GRM5: variants seen among roughly 807,000 people sequenced by gnomAD.
GRM5 encodes glutamate metabotropic receptor 5.
A neutral mutation model predicts 83.1 loss-of-function variants in GRM5; 19 were observed. The ratio of observed to expected loss-of-function variants is 0.23; its 90% CI spans 0.16 to 0.34. The LOEUF (loss-of-function observed/expected upper bound fraction) is 0.34, where lower values mean the gene tolerates loss of function less well. GRM5 is among the 10% of genes least tolerant of loss of function. The probability of loss-of-function intolerance (pLI) is 1.00; values close to 1 mark genes in which losing one functional copy is unlikely to be tolerated. For synonymous variants in GRM5, 675 were observed against 633.6 expected (o/e 1.07, Z -0.98); for missense variants, 1,160 against 1,588.3 (o/e 0.73, Z 4.58).
intron 3 of GRM5, among the ~76,000 whole-genome samples, chr11:88,776,337 G>T (rs541400250): frequency 2.0e-5 from 3 of 152,128 alleles, no homozygotes; most frequent in South Asian, 4.1e-4. Context: ...GTGTGTCTTT[G>T]CATGTGAGAT....
chr11:88,659,966 A>G (rs1385564012), intron 3 of GRM5, among the ~76,000 whole-genome samples: 1 of 152,220 alleles, frequency 6.6e-6, no homozygotes, highest in East Asian at 1.9e-4. Flanking sequence ...AGCCCTGAAA[A>G]TTGCATTGAG....
intron 3 of GRM5, among the ~76,000 whole-genome samples, chr11:88,820,856 A>G (rs554419616): frequency 3.3e-5 from 5 of 152,344 alleles, no homozygotes; most frequent in African/African-American, 9.6e-5. Flanking sequence ...TGAGCACTAA[A>G]AAATAGTTTT....
intron 2 of GRM5, among the ~76,000 whole-genome samples, chr11:88,898,190 C>G (rs946205589): frequency 1.3e-5 from 2 of 151,880 alleles, no homozygotes; most frequent in Admixed American, 1.3e-4. Context: ...CTGTGTATGT[C>G]TGTCTCTGTA....
At chr11:88,861,032 T>G (rs955295282) in intron 2 of GRM5, among the ~76,000 whole-genome samples, 2 of 152,190 alleles carry the variant, frequency 1.3e-5, no homozygotes, top group African/African-American at 4.8e-5. Context: ...GATAGAAGTT[T>G]AGATATATTG....
chr11:88,870,935 C>A (rs938139443), intron 2 of GRM5, among the ~76,000 whole-genome samples: 2 of 151,468 alleles, frequency 1.3e-5, no homozygotes, highest in African/African-American at 4.8e-5. Flanking sequence ...TGAATACTCC[C>A]ACTCAATACA....
At chr11:88,521,402 G>T (rs1346816602) in intron 9 of GRM5, among the ~76,000 whole-genome samples, 1 of 152,110 alleles carries the variant, frequency 6.6e-6, no homozygotes, top group Non-Finnish European at 1.5e-5. Flanking sequence ...GGGTGACATT[G>T]CAGACTCTGA....
chr11:88,844,654 T>C (rs1354239767), intron 3 of GRM5, among the ~76,000 whole-genome samples: 1 of 152,194 alleles, frequency 6.6e-6, no homozygotes, highest in Admixed American at 6.5e-5. Context: ...TTGGAAACCT[T>C]CTGGAAAGGA....
At chr11:88,631,588 A>G in intron 4 of GRM5, among the ~76,000 whole-genome samples, 1 of 152,198 alleles carries the variant, frequency 6.6e-6, no homozygotes, top group East Asian at 1.9e-4. Flanking sequence ...TGAAGAAGGC[A>G]GGGCTAAGTA....
chr11:88,576,495 G>T (rs1223817107), intron 7 of GRM5, among the ~76,000 whole-genome samples: 1 of 152,150 alleles, frequency 6.6e-6, no homozygotes, highest in Non-Finnish European at 1.5e-5. Flanking sequence ...GATTAACAAA[G>T]AAGAGGGCAA....
At chr11:88,699,959 G>T (rs1407867374) in intron 3 of GRM5, among the ~76,000 whole-genome samples, 1 of 152,078 alleles carries the variant, frequency 6.6e-6, no homozygotes, top group Admixed American at 6.6e-5. Flanking sequence ...GCAGTTGGAG[G>T]CATTCTATAC....
In GRM5 at chr11:88,838,564, T is replaced by A. The variant is rs78773813; in HGVS notation, c.911+11342A>T. Among the ~76,000 whole-genome samples, 735 of 152,278 alleles carry A rather than the reference T, an allele frequency of 4.8e-3. 3 individuals carry two copies. Among genetic ancestry groups the A allele is most frequent in the Non-Finnish European group, 7.3e-3 (497 of 67,996 alleles). On this transcript the variant is annotated intron_variant, in intron 3 of 9. Coordinates refer to ENST00000305447, the MANE Select transcript of GRM5 (RefSeq NM_001143831.3). Reference sequence around the variant, plus strand: ...TTTCATTTAGCTAATATATACTAATTCCATGACTTCTTGCTGGTATTTAAT... The same window carrying A: ...TTTCATTTAGCTAATATATACTAATACCATGACTTCTTGCTGGTATTTAAT...
intron 2 of GRM5, among the ~76,000 whole-genome samples, chr11:89,038,794 C>T (rs371622925): frequency 1.3e-5 from 2 of 152,152 alleles, no homozygotes; most frequent in East Asian, 3.9e-4. Context: ...GCCACACCTA[C>T]TCCAATGTAA....
Position 88,508,680 on chromosome 11 carries a change from A to C in GRM5, c.3551T>G (p.Val1184Gly), listed in dbSNP as rs751301223. 6.2e-7 allele frequency: 1 copy of C among 1,608,120 alleles called. No homozygotes were observed. The highest frequency in any genetic ancestry group is 8.5e-7 in the Non-Finnish European group (1 of 1,177,314). The change falls in exon 10 of 10, where the codon GTG (valine) becomes GGG (glycine). Residue 1184 changes from valine to glycine, a missense_variant. This residue lies in a region of GRM5 where 562 missense variants were observed against 532.4 expected (regional missense o/e 1.06). Coordinates refer to ENST00000305447, the MANE Select transcript of GRM5 (RefSeq NM_001143831.3). The surrounding 1 kb of genome is among the most constrained non-coding windows in gnomAD (Gnocchi z 4.2). ...DSGSTTPNSP[V>G]SESALCIPSS... ...CGGGATACAGAGGGCCGACTCGGAC[A>C]CTGGCGAGTTGGGGGTTGTGCTCCC...
In GRM5 at chr11:88,508,973, G is replaced by T. The variant is rs1484679643; in HGVS notation, c.3258C>A (p.Ser1086Arg). 6.3e-7 allele frequency: 1 copy of T among 1,585,658 alleles called. No individual in the cohort carries two copies. Among genetic ancestry groups the T allele is most frequent in the South Asian group, 1.2e-5 (1 of 86,854 alleles). Residue 1086 changes from serine to arginine, a missense_variant, in exon 10 of 10, where the codon AGC becomes AGA. Ser to Arg is a moderately radical substitution (Grantham distance 110). Around this residue, in one of 9 missense-constraint regions of GRM5, gnomAD observed 562 missense variants for 532.4 expected, o/e 1.06. Transcript: ENST00000305447. This position sits in a 1 kb window ranked among gnomAD's most constrained non-coding sequence, Gnocchi z 4.2. ...AGCAGAGCGGGGCGCCGACGCCGGG[G>T]CTGGGGGCCGCGGTGGACAGCATCA... is the stretch of plus-strand genomic sequence containing the variant. ...NSMMLSTAAP[S>R]PGVGAPLCSS...
In GRM5 at chr11:88,710,978, A is replaced by G. The variant is rs140614203; in HGVS notation, c.912-57575T>C. On this transcript the variant is annotated intron_variant, in intron 3 of 9. Coordinates refer to ENST00000305447, the MANE Select transcript of GRM5 (RefSeq NM_001143831.3). ...TTATCTCATTCCCTGGAGGGAATAG[A>G]TGGGACACTCAGGTTAAAACAATTT... 2.2e-3 allele frequency among the ~76,000 whole-genome samples: 339 copies of G among 152,204 alleles called. 11 individuals are homozygous for G. In the East Asian group the frequency reaches 0.056, roughly 25 times the overall value.
chr11:89,057,634 C>T (rs1315076593), intron 1 of GRM5, among the ~76,000 whole-genome samples: 2 of 152,182 alleles, frequency 1.3e-5, no homozygotes, highest in Admixed American at 1.3e-4. Context: ...ATGCAATCCA[C>T]TGTTAACTAG....
chr11:88,703,734 A>G (rs2135376009), intron 3 of GRM5, among the ~76,000 whole-genome samples: 1 of 152,156 alleles, frequency 6.6e-6, no homozygotes, highest in South Asian at 2.1e-4. Context: ...ATCAGTGTGA[A>G]GTGGGAAGGA....
At chr11:88,905,408 A>G (rs1945386238) in intron 2 of GRM5, among the ~76,000 whole-genome samples, 1 of 151,978 alleles carries the variant, frequency 6.6e-6, no homozygotes, top group Non-Finnish European at 1.5e-5. Flanking sequence ...CAGTGGTGCA[A>G]TTTCAGCTCA....
chr11:88,809,702 GAT>G (rs1166858157), intron 3 of GRM5, among the ~76,000 whole-genome samples: 1 of 151,538 alleles, frequency 6.6e-6, no homozygotes, highest in African/African-American at 2.4e-5. Context: ...AGACATGTAA[GAT>G]ATGACATCAT....
Sources: allele counts gnomAD v4.1 joint callset (sites outside exome capture counted in the v4.1 genomes callset), GRCh38; gene constraint gnomAD v4.1.1; regional missense constraint gnomAD v4.1.1; non-coding constraint Gnocchi (gnomAD v3.1); transcripts MANE v1.5; gene names NCBI Gene and HGNC (gene_info 2026-07-23, HGNC 2026-07-21).